The following CNTN4 variants were observed in gnomAD, a reference collection of about 807,000 sequenced individuals.
CNTN4 encodes the protein contactin-4.
CNTN4 carries 77 observed loss-of-function variants against 122.5 expected under a neutral mutation model. That is an observed-to-expected ratio of 0.63 (90% CI 0.52 to 0.76). The LOEUF (loss-of-function observed/expected upper bound fraction) is 0.76. Ranked by LOEUF, CNTN4 falls within the 30% of genes least tolerant of loss-of-function variation. CNTN4 has a pLI of 0.00. For missense variants in CNTN4, 1,256 were observed against 1,259.1 expected (o/e 1.00, Z 0.04); for synonymous variants, 512 against 447.0 (o/e 1.15, Z -1.83).
chr3:2,205,182 T>C (rs917252029), intron 2 of CNTN4, among the ~76,000 whole-genome samples: 1 of 151,426 alleles, frequency 6.6e-6, no homozygotes, highest in African/African-American at 2.4e-5. Flanking sequence ...CATCATACTT[T>C]TAAATACATG....
chr3:2,379,454 G>A (rs1476557921), intron 3 of CNTN4, among the ~76,000 whole-genome samples: 2 of 151,960 alleles, frequency 1.3e-5, no homozygotes, highest in African/African-American at 2.4e-5. Context: ...ATTAATTGAG[G>A]TGGTTGACCT....
At chr3:2,570,850 C>G (rs2079390902) in intron 3 of CNTN4, among the ~76,000 whole-genome samples, 1 of 152,122 alleles carries the variant, frequency 6.6e-6, no homozygotes, top group Non-Finnish European at 1.5e-5. Context: ...CTACTGATAG[C>G]TGTTTGGATT....
At chr3:2,420,336 C>T (rs1444587500) in intron 3 of CNTN4, among the ~76,000 whole-genome samples, 1 of 152,172 alleles carries the variant, frequency 6.6e-6, no homozygotes, top group Non-Finnish European at 1.5e-5. Flanking sequence ...ACCAACTTCT[C>T]TCACCTCTCT....
chr3:2,635,835 A>G (rs536896136), intron 4 of CNTN4, among the ~76,000 whole-genome samples: 50 of 152,330 alleles, frequency 3.3e-4, no homozygotes, highest in South Asian at 2.7e-3. Flanking sequence ...GAAACCAACC[A>G]TCAGGTCTCC....
At chr3:2,817,041 A>G (rs1482134413) in intron 6 of CNTN4, among the ~76,000 whole-genome samples, 2 of 152,208 alleles carry the variant, frequency 1.3e-5, no homozygotes, top group Admixed American at 6.5e-5. Context: ...GGATCTGGAT[A>G]GATATTCATA....
intron 7 of CNTN4, among the ~76,000 whole-genome samples, chr3:2,830,215 G>A (rs1381970854): frequency 6.6e-6 from 1 of 152,132 alleles, no homozygotes; most frequent in Non-Finnish European, 1.5e-5. Context: ...GTACTTTAAT[G>A]ATAGGCACTA....
chr3:2,662,689 G>A (rs934215328), intron 4 of CNTN4, among the ~76,000 whole-genome samples: 1 of 152,128 alleles, frequency 6.6e-6, no homozygotes, highest in Non-Finnish European at 1.5e-5. Flanking sequence ...GACCTTCCAG[G>A]CAGAAGTAAT....
Position 2,709,342 on chromosome 3 carries a change from T to TC in CNTN4, c.56-26871dup, listed in dbSNP as rs1179360826. ...GCTGCATATTAGAATCATCTGGGGGTCCTTAAAAAATACTGATGCGTAGGT... is the reference window on the plus strand; with the variant it reads ...GCTGCATATTAGAATCATCTGGGGGTCCCTTAAAAAATACTGATGCGTAGGT... On this transcript the variant is annotated intron_variant, in intron 4 of 24. Coordinates refer to ENST00000418658, the MANE Select transcript of CNTN4 (RefSeq NM_175607.3). This position sits in a 1 kb window ranked among gnomAD's most constrained non-coding sequence, Gnocchi z 5.0. Among the ~76,000 whole-genome samples, 1 of 152,060 alleles carries TC rather than the reference T, an allele frequency of 6.6e-6. No individual in the cohort carries two copies. The highest frequency in any genetic ancestry group is 1.5e-5 in the Non-Finnish European group (1 of 68,020).
chr3:2,929,812 A>G (rs1051902234), intron 13 of CNTN4, among the ~76,000 whole-genome samples: 3 of 152,160 alleles, frequency 2.0e-5, no homozygotes, highest in Non-Finnish European at 4.4e-5. Flanking sequence ...GCCCATCTCA[A>G]ACCACATGGA....
At chr3:2,772,480 G>A (rs2091147548) in intron 6 of CNTN4, among the ~76,000 whole-genome samples, 1 of 152,022 alleles carries the variant, frequency 6.6e-6, no homozygotes, top group South Asian at 2.1e-4. Context: ...GTCTTGGATG[G>A]TGGGGTATCA....
At chr3:2,614,421 C>G (rs115700356) in intron 4 of CNTN4, among the ~76,000 whole-genome samples, 126 of 152,140 alleles carry the variant, frequency 8.3e-4, no homozygotes, top group African/African-American at 2.8e-3. Flanking sequence ...CAAAAAGTGA[C>G]AAGGTAACAT....
At chr3:2,957,493 G>C (rs952022753) in intron 13 of CNTN4, among the ~76,000 whole-genome samples, 5 of 152,062 alleles carry the variant, frequency 3.3e-5, no homozygotes, top group Admixed American at 1.3e-4. Context: ...TTTGTAACAT[G>C]GGTATATTGT....
At chr3:2,618,299 GTGTA>G (rs2081855932) in intron 4 of CNTN4, among the ~76,000 whole-genome samples, 3 of 152,054 alleles carry the variant, frequency 2.0e-5, no homozygotes, top group Non-Finnish European at 2.9e-5. Context: ...ATGTATATGT[GTGTA>G]TGTATGTATA....
Position 2,502,814 on chromosome 3 carries a change from C to T in CNTN4, c.-88-68602C>T, listed in dbSNP as rs536811768. Among the ~76,000 whole-genome samples, 3 of 152,154 alleles carry T rather than the reference C, an allele frequency of 2.0e-5. No individual in the cohort carries two copies. The East Asian group carries it at 5.8e-4, about 29-fold the overall frequency. ...GAATCACAGCTAGAACTTTGGTGTCCTGACTCTGACACAAAAGTTCTTTTA... is the reference window on the plus strand; with the variant it reads ...GAATCACAGCTAGAACTTTGGTGTCTTGACTCTGACACAAAAGTTCTTTTA... On this transcript the variant is annotated intron_variant, in intron 3 of 24. Transcript: ENST00000418658.
At chr3:2,545,951 C>G (rs1002022644) in intron 3 of CNTN4, among the ~76,000 whole-genome samples, 35 of 151,990 alleles carry the variant, frequency 2.3e-4, no homozygotes, top group African/African-American at 8.0e-4. Flanking sequence ...TAATGCAAAT[C>G]AAAACCACAA....
intron 2 of CNTN4, among the ~76,000 whole-genome samples, chr3:2,215,466 C>T (rs753065034): frequency 6.6e-6 from 1 of 152,214 alleles, no homozygotes; most frequent in African/African-American, 2.4e-5. Flanking sequence ...AAACATTTCT[C>T]TAGGGCATAT....
chr3:2,809,144 G>A (rs995132508), intron 6 of CNTN4, among the ~76,000 whole-genome samples: 5 of 152,222 alleles, frequency 3.3e-5, no homozygotes, highest in African/African-American at 7.2e-5. Flanking sequence ...AATGAGAACC[G>A]TAGTTGCAGA....
intron 4 of CNTN4, among the ~76,000 whole-genome samples, chr3:2,611,205 A>G (rs1285223073): frequency 6.6e-6 from 1 of 151,032 alleles, no homozygotes; most frequent in African/African-American, 2.4e-5. Context: ...TGGAACATTC[A>G]TTAAATCATA....
chr3:2,768,041 G>T (rs996541242), intron 6 of CNTN4, among the ~76,000 whole-genome samples: 5 of 152,224 alleles, frequency 3.3e-5, no homozygotes, highest in Non-Finnish European at 7.3e-5. Flanking sequence ...TTACAGAAAT[G>T]TAGGTAAAAT....
Sources: allele counts gnomAD v4.1 joint callset (sites outside exome capture counted in the v4.1 genomes callset), GRCh38; gene constraint gnomAD v4.1.1; non-coding constraint Gnocchi (gnomAD v3.1); transcripts MANE v1.5; gene names NCBI Gene and HGNC (gene_info 2026-07-23, HGNC 2026-07-21).